The following KIRREL3 variants were observed in gnomAD, a reference collection of about 807,000 sequenced individuals.
The protein encoded by KIRREL3 is kirre like nephrin family adhesion molecule 3.
KIRREL3 carries 36 observed loss-of-function variants against 89.7 expected under a neutral mutation model. The ratio of observed to expected loss-of-function variants is 0.40; its 90% CI spans 0.31 to 0.53. KIRREL3 has a LOEUF of 0.53. Ranked by LOEUF, KIRREL3 falls within the 20% of genes least tolerant of loss-of-function variation. The pLI is 0.49. For missense variants in KIRREL3, 864 were observed against 1,056.6 expected, an observed-to-expected ratio of 0.82 and a Z score of 2.53; for synonymous variants, 445 against 441.4, an observed-to-expected ratio of 1.01 and a Z score of -0.10.
rs1184391406 is a variant in KIRREL3, at chr11:126,709,118, T to C, written c.56-146206A>G. Among the ~76,000 whole-genome samples the C allele has an allele frequency of 6.6e-6, 1 of 152,208 alleles. No individual in the cohort carries two copies. Among genetic ancestry groups the C allele is most frequent in the African/African-American group, 2.4e-5 (1 of 41,458 alleles). On this transcript the variant is annotated intron_variant, in intron 1 of 16. Transcript: ENST00000525144. This position sits in a 1 kb window ranked among gnomAD's most constrained non-coding sequence, Gnocchi z 4.0. ...GAGCCTACACTGTGCTGGGTCACTG[T>C]GTTACGCTATGTGCTTGTTTCATTT...
chr11:126,957,250 C>A (rs1311067911), intron 1 of KIRREL3, among the ~76,000 whole-genome samples: 2 of 152,196 alleles, frequency 1.3e-5, no homozygotes, highest in Non-Finnish European at 2.9e-5. Flanking sequence ...CCCTTATAAT[C>A]AGCCATTGCT....
At chr11:126,448,930 C>A in intron 8 of KIRREL3, 79 bp downstream of exon 8, 1 of 1,434,174 alleles carries the variant, frequency 7.0e-7, no homozygotes, top group Non-Finnish European at 9.3e-7. Context: ...TGCAATGAAT[C>A]TAGCCCTGGT....
rs1363265916 is a variant in KIRREL3 at position 126,688,130 on chromosome 11, G to A, written c.56-125218C>T. 3.9e-5 allele frequency among the ~76,000 whole-genome samples: 6 copies of A among 152,206 alleles called. No homozygotes were observed. The East Asian group carries it at 9.6e-4, about 24-fold the overall frequency. On this transcript the variant is annotated intron_variant, in intron 1 of 16. Transcript: ENST00000525144. ...AAGATGGATGGAGGTGGAGAGCTTG[G>A]CCTTATTGCCAACACTGTAAATTAG...
intron 1 of KIRREL3, among the ~76,000 whole-genome samples, chr11:126,758,838 C>T (rs764018699): frequency 5.6e-4 from 85 of 152,144 alleles, no homozygotes; most frequent in Non-Finnish European, 3.4e-4. Context: ...AAGCTTTGAC[C>T]GATATGAAGT....
In KIRREL3 at chr11:126,867,066, C is replaced by T. The variant is rs952028909; in HGVS notation, c.55+133389G>A. ...CCAACGGACAGCTAAACTGAAAGAG[C>T]ACACTGTAACACACGCCCACTGGGG... is the stretch of plus-strand genomic sequence containing the variant. On this transcript the variant is annotated intron_variant, in intron 1 of 16. Coordinates refer to ENST00000525144, the MANE Select transcript of KIRREL3 (RefSeq NM_032531.4). This position sits in a 1 kb window ranked among gnomAD's most constrained non-coding sequence, Gnocchi z 4.7. Among the ~76,000 whole-genome samples, 1 of 152,214 alleles carries T rather than the reference C, an allele frequency of 6.6e-6. No individual in the cohort carries two copies. Among genetic ancestry groups the T allele is most frequent in the Admixed American group, 6.5e-5 (1 of 15,278 alleles).
chr11:126,868,623 C>G (rs1945002207), intron 1 of KIRREL3, among the ~76,000 whole-genome samples: 1 of 152,136 alleles, frequency 6.6e-6, no homozygotes, highest in East Asian at 1.9e-4. Flanking sequence ...GTGTCATATA[C>G]TATAAGCCCG....
In KIRREL3 at chr11:126,652,053, GA is replaced by G. The variant is rs1448678417; in HGVS notation, c.56-89142del. 1.3e-5 allele frequency among the ~76,000 whole-genome samples: 2 copies of G among 152,208 alleles called. No individual in the cohort carries two copies. The highest frequency in any genetic ancestry group is 1.5e-5 in the Non-Finnish European group (1 of 68,036). ...TCCTTGTGCTAACCAAAGAAAAGAT[GA>G]AATGGTGAGGGCTCATCAATTCTGG... On this transcript the variant is annotated intron_variant, in intron 1 of 16. Transcript: ENST00000525144. This position sits in a 1 kb window ranked among gnomAD's most constrained non-coding sequence, Gnocchi z 4.9.
intron 2 of KIRREL3, among the ~76,000 whole-genome samples, chr11:126,552,910 A>C (rs1218380506): frequency 1.3e-5 from 2 of 152,108 alleles, no homozygotes; most frequent in Non-Finnish European, 2.9e-5. Context: ...AGAAAAAAAT[A>C]GTCATTATAC....
At chr11:126,616,066 C>T (rs146979302) in intron 1 of KIRREL3, among the ~76,000 whole-genome samples, 2,097 of 152,262 alleles carry the variant, frequency 0.014, 26 homozygotes, top group South Asian at 0.042. Flanking sequence ...CATTACTACG[C>T]GGCCGAGCAT....
Position 126,706,624 on chromosome 11 carries a change from G to T in KIRREL3, c.56-143712C>A, listed in dbSNP as rs554626038. ...AATGTGCCTGATTCCCCACTTCCTT[G>T]TACACAGGACATGGAGATATGCTCA... On this transcript the variant is annotated intron_variant, in intron 1 of 16. Coordinates refer to ENST00000525144, the MANE Select transcript of KIRREL3 (RefSeq NM_032531.4). 3.3e-5 allele frequency among the ~76,000 whole-genome samples: 5 copies of T among 152,230 alleles called. No homozygotes were observed. In the East Asian group the frequency reaches 9.6e-4, roughly 29 times the overall value.
Position 126,555,589 on chromosome 11 carries a change from G to A in KIRREL3, c.133+7246C>T, listed in dbSNP as rs923636950. 6.6e-6 allele frequency among the ~76,000 whole-genome samples: 1 copy of A among 152,052 alleles called. No homozygotes were observed. ...CAAGCAGGGTAGACACAGGGAGCAG[G>A]GTAGACACAGGCCCTATGACAGGGG... is the stretch of plus-strand genomic sequence containing the variant. On this transcript the variant is annotated intron_variant, in intron 2 of 16. Transcript: ENST00000525144. This position sits in a 1 kb window ranked among gnomAD's most constrained non-coding sequence, Gnocchi z 4.2.
In KIRREL3 at chr11:126,439,199, C is replaced by T. The variant is rs547861988; in HGVS notation, c.1353+1250G>A. ...CAAAAAAATTAGCTGGGTGTGGTGG[C>T]AGGTGCCTGTAATCCCAGTTACTTG... On this transcript the variant is annotated intron_variant, in intron 11 of 16. Transcript: ENST00000525144. Among the ~76,000 whole-genome samples, 651 of 152,140 alleles carry T rather than the reference C, an allele frequency of 4.3e-3. 6 individuals carry two copies. Among genetic ancestry groups the T allele is most frequent in the African/African-American group, 0.015 (612 of 41,492 alleles).
intron 5 of KIRREL3, among the ~76,000 whole-genome samples, chr11:126,468,852 G>A (rs962293618): frequency 2.0e-5 from 3 of 152,206 alleles, no homozygotes; most frequent in Admixed American, 2.0e-4. Flanking sequence ...GGAAACTGAG[G>A]CAGAGGGTGA....
In KIRREL3 at chr11:126,519,382, C is replaced by A. The variant is rs1300156785; in HGVS notation, c.433+1933G>T. Among the ~76,000 whole-genome samples, 1 of 152,252 alleles carries A rather than the reference C, an allele frequency of 6.6e-6. No homozygotes were observed. Among genetic ancestry groups the A allele is most frequent in the Non-Finnish European group, 1.5e-5 (1 of 68,042 alleles). ...TTTGAAGGTTAATTAAGCTGTGTCA[C>A]CTCCTGTGAGTGCCTTTGCCTCTCT... On this transcript the variant is annotated intron_variant, in intron 4 of 16. Transcript: ENST00000525144. This position sits in a 1 kb window ranked among gnomAD's most constrained non-coding sequence, Gnocchi z 4.3.
chr11:126,689,190 G>A lies in KIRREL3; in HGVS notation c.56-126278C>T, dbSNP rs1946785606. On this transcript the variant is annotated intron_variant, in intron 1 of 16. Coordinates refer to ENST00000525144, the MANE Select transcript of KIRREL3 (RefSeq NM_032531.4). The surrounding 1 kb of genome is among the most constrained non-coding windows in gnomAD (Gnocchi z 5.2). ...AACAGTCTGAGAATTGTTGTTTCAG[G>A]AACTAGAAAGAATCCTGGAAATAGT... Among the ~76,000 whole-genome samples the A allele has an allele frequency of 6.6e-6, 1 of 152,088 alleles. No homozygotes were observed. The highest frequency in any genetic ancestry group is 6.5e-5 in the Admixed American group (1 of 15,270).
At chr11:127,001,244 C>G (rs965670999), upstream of KIRREL3, 3 of 126,442 alleles carry the variant, frequency 2.4e-5, no homozygotes, top group Non-Finnish European at 4.7e-5. Context: ...GCGGGAGGCT[C>G]GGAGTTGGAG....
chr11:126,700,609 G>A (rs1440071333), intron 1 of KIRREL3, among the ~76,000 whole-genome samples: 1 of 152,198 alleles, frequency 6.6e-6, no homozygotes, highest in East Asian at 1.9e-4. Context: ...CCGATCCTCT[G>A]CCTCCTAGCC....
chr11:126,457,132 A>G (rs997436042), intron 6 of KIRREL3, among the ~76,000 whole-genome samples: 3 of 151,968 alleles, frequency 2.0e-5, no homozygotes, highest in African/African-American at 4.8e-5. Context: ...GGAGGCCGAC[A>G]GCGAGACATG....
At chr11:126,500,941 C>A (rs1039270047) in intron 4 of KIRREL3, among the ~76,000 whole-genome samples, 1 of 152,188 alleles carries the variant, frequency 6.6e-6, no homozygotes, top group Non-Finnish European at 1.5e-5. Flanking sequence ...ATGGCTGCTG[C>A]TGGTCTGTTG....
Sources: allele counts gnomAD v4.1 joint callset (sites outside exome capture counted in the v4.1 genomes callset), GRCh38; gene constraint gnomAD v4.1.1; non-coding constraint Gnocchi (gnomAD v3.1); transcripts MANE v1.5; gene names NCBI Gene and HGNC (gene_info 2026-07-23, HGNC 2026-07-21).